The following TRHDE variants were observed in gnomAD, a reference collection of about 807,000 sequenced individuals.
TRHDE encodes thyrotropin releasing hormone degrading enzyme.
A neutral mutation model predicts 125.7 loss-of-function variants in TRHDE; 72 were observed. That is an observed-to-expected ratio of 0.57 (90% CI 0.47 to 0.70). The LOEUF (loss-of-function observed/expected upper bound fraction) is 0.70. TRHDE is among the 30% of genes least tolerant of loss of function. The pLI is 0.00. For synonymous variants in TRHDE, 509 were observed against 509.1 expected (o/e 1.00, Z 0.00); for missense variants, 1,110 against 1,327.1 (o/e 0.84, Z 2.54).
At chr12:72,133,759 C>G (rs1444205821) in intron 2 of TRHDE, among the ~76,000 whole-genome samples, 2 of 152,158 alleles carry the variant, frequency 1.3e-5, no homozygotes, top group South Asian at 2.1e-4. Flanking sequence ...ATTTAAGTAA[C>G]TTACTGTCCT....
intron 12 of TRHDE, among the ~76,000 whole-genome samples, chr12:72,609,866 A>T (rs1342949491): frequency 7.2e-6 from 1 of 139,048 alleles, no homozygotes; most frequent in Non-Finnish European, 1.5e-5. Flanking sequence ...AGTAGACTCA[A>T]CCTCTGAAAA....
At chr12:72,149,884 A>T (rs1876317003) in intron 2 of TRHDE, among the ~76,000 whole-genome samples, 2 of 152,192 alleles carry the variant, frequency 1.3e-5, no homozygotes, top group Non-Finnish European at 2.9e-5. Flanking sequence ...CATGGTTGCA[A>T]AGAGTTCCAC....
intron 2 of TRHDE, among the ~76,000 whole-genome samples, chr12:72,350,993 G>A (rs963124586): frequency 3.3e-5 from 5 of 151,990 alleles, no homozygotes; most frequent in Admixed American, 2.6e-4. Context: ...GAACTTGAAG[G>A]AAAAATTGTA....
intron 2 of TRHDE, among the ~76,000 whole-genome samples, chr12:72,359,911 G>A (rs1004129911): frequency 6.6e-6 from 1 of 151,718 alleles, no homozygotes; most frequent in Non-Finnish European, 1.5e-5. Flanking sequence ...TTGGCACGGT[G>A]AGAGACTGAC....
chr12:72,261,283 G>T (rs926508929), intron 2 of TRHDE, among the ~76,000 whole-genome samples: 1 of 152,082 alleles, frequency 6.6e-6, no homozygotes, highest in Non-Finnish European at 1.5e-5. Context: ...CACTAACTTT[G>T]GTTTAGTGTT....
intron 2 of TRHDE, among the ~76,000 whole-genome samples, chr12:72,199,190 T>C (rs1011874536): frequency 6.6e-6 from 1 of 152,102 alleles, no homozygotes; most frequent in Non-Finnish European, 1.5e-5. Flanking sequence ...ACCATCCCTT[T>C]CCTTTGACTG....
intron 1 of TRHDE, among the ~76,000 whole-genome samples, chr12:72,285,054 T>C (rs1468073526): frequency 6.6e-6 from 1 of 152,228 alleles, no homozygotes; most frequent in African/African-American, 2.4e-5. Context: ...ATTTTTAAAA[T>C]GTTTTATTTT....
At chr12:72,240,441 G>T (rs1010089510) in intron 2 of TRHDE, among the ~76,000 whole-genome samples, 1 of 151,306 alleles carries the variant, frequency 6.6e-6, no homozygotes, top group Non-Finnish European at 1.5e-5. Context: ...CTTACATAAG[G>T]TCATCTTGAC....
chr12:72,122,173 T>A (rs1410517588), intron 2 of TRHDE, among the ~76,000 whole-genome samples: 2 of 152,166 alleles, frequency 1.3e-5, no homozygotes, highest in Admixed American at 1.3e-4. Context: ...AAACCCATAT[T>A]TTCTTCTGTG....
At chr12:72,634,657 C>A (rs976677801) in intron 15 of TRHDE, among the ~76,000 whole-genome samples, 1 of 144,028 alleles carries the variant, frequency 6.9e-6, no homozygotes, top group Non-Finnish European at 1.5e-5. Flanking sequence ...CCCCCTCCCC[C>A]CAACCCACAA....
chr12:72,459,031 A>G (rs1333459565), intron 3 of TRHDE, among the ~76,000 whole-genome samples: 1 of 152,030 alleles, frequency 6.6e-6, no homozygotes, highest in African/African-American at 2.4e-5. Context: ...GTCTGACACT[A>G]CTCTCACTGG....
chr12:72,387,060 A>G (rs995984231), intron 3 of TRHDE, among the ~76,000 whole-genome samples: 2 of 152,100 alleles, frequency 1.3e-5, no homozygotes, highest in Non-Finnish European at 2.9e-5. Context: ...TTTAAACACC[A>G]TATGCTGATA....
intron 2 of TRHDE, among the ~76,000 whole-genome samples, chr12:72,160,694 CAAACA>C (rs1256575676): frequency 3.4e-4 from 51 of 151,896 alleles, no homozygotes; most frequent in Admixed American, 3.3e-3. Flanking sequence ...TCTAAACAAA[CAAACA>C]AAACAAAATG....
intron 5 of TRHDE, among the ~76,000 whole-genome samples, chr12:72,496,530 A>G (rs541233339): frequency 6.6e-6 from 1 of 152,272 alleles, no homozygotes; most frequent in East Asian, 1.9e-4. Flanking sequence ...AATAGCCCCC[A>G]TGATTCAAGT....
At chr12:72,620,192 C>T (rs774233342) in intron 13 of TRHDE, among the ~76,000 whole-genome samples, 1 of 151,654 alleles carries the variant, frequency 6.6e-6, no homozygotes, top group Non-Finnish European at 1.5e-5. Context: ...ATTAGAATAG[C>T]GTATCATGTC....
At chr12:72,371,726 C>CA (rs1871601547) in intron 2 of TRHDE, among the ~76,000 whole-genome samples, 1 of 151,932 alleles carries the variant, frequency 6.6e-6, no homozygotes, top group Non-Finnish European at 1.5e-5. Context: ...TGAACTCATC[C>CA]TTTTTTATGG....
intron 2 of TRHDE, among the ~76,000 whole-genome samples, chr12:72,153,972 A>G (rs1449501931): frequency 1.3e-5 from 2 of 152,196 alleles, no homozygotes; most frequent in East Asian, 1.9e-4. Flanking sequence ...TGTCTCATTG[A>G]TCTGTCTAAT....
At chr12:72,385,574 C>T (rs1347550336) in intron 3 of TRHDE, among the ~76,000 whole-genome samples, 1 of 152,104 alleles carries the variant, frequency 6.6e-6, no homozygotes, top group Non-Finnish European at 1.5e-5. Flanking sequence ...TAACCCCCCA[C>T]TCTGACAACC....
chr12:72,336,632 G>A (rs992813895), intron 2 of TRHDE, among the ~76,000 whole-genome samples: 2 of 152,144 alleles, frequency 1.3e-5, no homozygotes, highest in Non-Finnish European at 2.9e-5. Flanking sequence ...TCATGATTCC[G>A]GAGGCTGAAA....
Sources: gnomAD v4.1 joint callset for allele counts (sites outside exome capture counted in the v4.1 genomes callset) on GRCh38, gnomAD v4.1.1 for gene constraint, MANE v1.5 for transcripts, NCBI Gene and HGNC (gene_info 2026-07-23, HGNC 2026-07-21) for gene names.